GAB4: variants seen among roughly 807,000 people sequenced by gnomAD.
GAB4 encodes the protein GRB2-associated-binding protein 4.
Under a neutral mutation model 51.3 loss-of-function variants are expected in GAB4, and 26 were observed. The observed-to-expected ratio is 0.51, with a 90% CI of 0.37 to 0.70. The LOEUF (loss-of-function observed/expected upper bound fraction) is 0.70, where lower values mean the gene tolerates loss of function less well. Among genes scored for constraint, GAB4 ranks in the 30% least tolerant of loss-of-function variants. GAB4 has a pLI of 0.00. For synonymous variants in GAB4, 329 were observed against 291.2 expected (o/e 1.13, Z -1.32); for missense variants, 759 against 734.6 (o/e 1.03, Z -0.38).
chr22:16,980,340 A>G (rs1388831276), intron 3 of GAB4, among the ~76,000 whole-genome samples: 1 of 152,226 alleles, frequency 6.6e-6, no homozygotes, highest in African/African-American at 2.4e-5. Context: ...TCCCATCAAA[A>G]AGGGGCCAAA....
rs1421151492 is a variant in GAB4, at chr22:16,966,362, T to C, written c.1026A>G (p.Pro342=). Reference sequence around the variant, plus strand: ...CTGACAGGCCCACAAGCGTTCTTCCTGGCTAGGAAGAGGACAGTGAAAGAA... The same window carrying C: ...CTGACAGGCCCACAAGCGTTCTTCCCGGCTAGGAAGAGGACAGTGAAAGAA... ...SMHEGVCSFL[P]GRTLVGLSDS... Residue 342 remains proline (P), a splice_region_variant and synonymous_variant, in exon 6 of 10, where the codon CCA becomes CCG. Coordinates refer to ENST00000400588, the MANE Select transcript of GAB4 (RefSeq NM_001037814.1). 1.9e-6 allele frequency: 3 copies of C among 1,610,616 alleles called. No homozygotes were observed. Among genetic ancestry groups the C allele is most frequent in the African/African-American group, 1.3e-5 (1 of 74,890 alleles).
chr22:16,966,153 C>A lies in GAB4; in HGVS notation c.1235G>T (p.Gly412Val), dbSNP rs1438030451. The change falls in exon 6 of 10, where the codon GGA becomes GTA. Residue 412 changes from glycine to valine, a missense_variant. Around this residue, in one of 3 missense-constraint regions of GAB4, gnomAD observed 588 missense variants for 510.2 expected, o/e 1.15. Coordinates refer to ENST00000400588, the MANE Select transcript of GAB4 (RefSeq NM_001037814.1). ...GACAGGGGGCAGCTGGACCTCATGT[C>A]CCTGGCTGAGGTCTTGGTGCATAGA... ...ELSMHQDLSQ[G>V]HEVQLPPVNR... 1.2e-6 allele frequency: 2 copies of A among 1,613,910 alleles called. No individual in the cohort carries two copies. The highest frequency in any genetic ancestry group is 1.7e-5 in the Admixed American group (1 of 60,012).
intron 1 of GAB4, among the ~76,000 whole-genome samples, chr22:16,994,399 T>A (rs1267302099): frequency 6.6e-6 from 1 of 152,218 alleles, no homozygotes; most frequent in Non-Finnish European, 1.5e-5. Context: ...AAATAAGTGC[T>A]ACTTATTTAC....
chr22:16,984,608 T>C (rs569949550), intron 3 of GAB4, among the ~76,000 whole-genome samples: 71 of 152,212 alleles, frequency 4.7e-4, no homozygotes, highest in Admixed American at 1.6e-3. Context: ...CCATAATCCT[T>C]GGGAGAATGT....
chr22:16,980,993 A>T (rs117934173), intron 3 of GAB4, among the ~76,000 whole-genome samples: 9,512 of 152,014 alleles, frequency 0.063, 402 homozygotes, highest in Middle Eastern at 0.14. Flanking sequence ...AACATCACAC[A>T]TCGGGGCCTG....
At chr22:16,970,280 T>C in intron 3 of GAB4, 87 bp from the exon 4 acceptor site, 1 of 1,421,536 alleles carries the variant, frequency 7.0e-7, no homozygotes, top group East Asian at 2.3e-5. Flanking sequence ...CACAGCCCAA[T>C]GTAGTGAGAT....
At chr22:16,963,116 C>G (rs1301974759) in intron 9 of GAB4, among the ~76,000 whole-genome samples, 1 of 152,166 alleles carries the variant, frequency 6.6e-6, no homozygotes, top group Non-Finnish European at 1.5e-5. Context: ...AGAGCCAGGC[C>G]CTTCTCTGGC....
chr22:16,996,292 GA>G (rs993706102), intron 1 of GAB4, among the ~76,000 whole-genome samples: 2 of 151,962 alleles, frequency 1.3e-5, no homozygotes, highest in African/African-American at 4.8e-5. Flanking sequence ...AAGCCTCAAA[GA>G]AATATGGGAC....
chr22:17,004,703 ACAAT>A, intron 1 of GAB4, among the ~76,000 whole-genome samples: 1 of 151,992 alleles, frequency 6.6e-6, no homozygotes, highest in Non-Finnish European at 1.5e-5. Flanking sequence ...TTTATGACAA[ACAAT>A]CAATAAACGT....
At chr22:16,993,036 A>C (rs1186981744) in intron 1 of GAB4, among the ~76,000 whole-genome samples, 2 of 152,092 alleles carry the variant, frequency 1.3e-5, no homozygotes, top group Non-Finnish European at 2.9e-5. Context: ...TATCCCTAGT[A>C]CTTATAATAG....
chr22:16,971,448 G>A (rs2060731266), intron 3 of GAB4, among the ~76,000 whole-genome samples: 1 of 152,202 alleles, frequency 6.6e-6, no homozygotes, highest in South Asian at 2.1e-4. Context: ...GTTCTGTGTG[G>A]GCGCTCTAGG....
At chr22:16,968,617 T>C (rs932774505) in intron 4 of GAB4, among the ~76,000 whole-genome samples, 3 of 152,088 alleles carry the variant, frequency 2.0e-5, no homozygotes, top group Admixed American at 2.0e-4. Flanking sequence ...ATGCCTGCCC[T>C]CAGGACACAC....
At chr22:16,970,851 T>C (rs2060724865) in intron 3 of GAB4, among the ~76,000 whole-genome samples, 1 of 152,204 alleles carries the variant, frequency 6.6e-6, no homozygotes. Flanking sequence ...CCCAGAAACC[T>C]AAACATCTAT....
intron 7 of GAB4, 75 bp from the exon 8 acceptor site, chr22:16,964,937 G>A: frequency 8.7e-7 from 1 of 1,145,948 alleles, no homozygotes; most frequent in African/African-American, 1.6e-5. Context: ...GCCTCCAGCT[G>A]GGCCCTGACT....
chr22:16,983,853 G>A (rs1040716425), intron 3 of GAB4, among the ~76,000 whole-genome samples: 1 of 152,148 alleles, frequency 6.6e-6, no homozygotes, highest in African/African-American at 2.4e-5. Flanking sequence ...GAAACATGTA[G>A]AAGAAAACAT....
intron 4 of GAB4, among the ~76,000 whole-genome samples, chr22:16,969,204 T>C (rs2060708747): frequency 6.6e-6 from 1 of 152,222 alleles, no homozygotes; most frequent in Non-Finnish European, 1.5e-5. Flanking sequence ...CTGGAAAATA[T>C]TTTGAAGATC....
At chr22:17,007,636 C>G (rs1365515837) in intron 1 of GAB4, among the ~76,000 whole-genome samples, 1 of 152,156 alleles carries the variant, frequency 6.6e-6, no homozygotes, top group Non-Finnish European at 1.5e-5. Flanking sequence ...GAGGTTCCTG[C>G]CGTTTTGCGA....
At chr22:16,988,483 G>A (rs1351393760) in intron 2 of GAB4, among the ~76,000 whole-genome samples, 1 of 152,220 alleles carries the variant, frequency 6.6e-6, no homozygotes, top group Non-Finnish European at 1.5e-5. Context: ...CCTCTGCAGT[G>A]GTGAGTGCTG....
At chr22:16,970,930 C>A (rs2060725493) in intron 3 of GAB4, among the ~76,000 whole-genome samples, 1 of 151,992 alleles carries the variant, frequency 6.6e-6, no homozygotes, top group Admixed American at 6.6e-5. Flanking sequence ...GCACGGTGGC[C>A]CACACCTGTA....
Sources: allele counts gnomAD v4.1 joint callset (sites outside exome capture counted in the v4.1 genomes callset), GRCh38; gene constraint gnomAD v4.1.1; regional missense constraint gnomAD v4.1.1; transcripts MANE v1.5; gene names NCBI Gene and HGNC (gene_info 2026-07-23, HGNC 2026-07-21).